The following SNX25 variants were observed in gnomAD, a reference collection of about 807,000 sequenced individuals.
SNX25 encodes the protein sorting nexin-25.
A neutral mutation model predicts 113.7 loss-of-function variants in SNX25; 62 were observed. The ratio of observed to expected loss-of-function variants is 0.55; its 90% confidence interval spans 0.44 to 0.67. The LOEUF (loss-of-function observed/expected upper bound fraction) is 0.67. Ranked by LOEUF, SNX25 falls within the 30% of genes least tolerant of loss-of-function variation. The pLI, the probability that SNX25 is intolerant of heterozygous loss-of-function variation, is 0.00. For synonymous variants in SNX25, 421 were observed against 436.2 expected (o/e 0.97, Z 0.43); for missense variants, 1,014 against 1,161.0 (o/e 0.87, Z 1.84).
intron 1 of SNX25, among the ~76,000 whole-genome samples, chr4:185,224,254 G>A (rs932760348): frequency 1.3e-5 from 2 of 151,530 alleles, no homozygotes; most frequent in Admixed American, 1.3e-4. Context: ...CGGGAGGCGA[G>A]GCAGGAGAAT....
intron 6 of SNX25, among the ~76,000 whole-genome samples, chr4:185,293,072 A>G (rs550787117): frequency 3.3e-4 from 50 of 152,376 alleles, no homozygotes; most frequent in African/African-American, 1.2e-3. Context: ...TCGATAATCA[A>G]AAGAGCAATA....
At chr4:185,369,150 T>C (rs1313030334) in intron 11 of SNX25, among the ~76,000 whole-genome samples, 2 of 151,696 alleles carry the variant, frequency 1.3e-5, no homozygotes, top group East Asian at 3.9e-4. Flanking sequence ...TATATTTGAC[T>C]AGAGTTTTCT....
At chr4:185,354,000 C>T (rs565424845) in intron 15 of SNX25, among the ~76,000 whole-genome samples, 8 of 150,232 alleles carry the variant, frequency 5.3e-5, no homozygotes, top group South Asian at 2.1e-4. Flanking sequence ...GCCAAGATCG[C>T]ACCACTGCAC....
At chr4:185,237,089 T>C (rs926706544) in intron 1 of SNX25, among the ~76,000 whole-genome samples, 8 of 152,196 alleles carry the variant, frequency 5.3e-5, no homozygotes, top group Non-Finnish European at 1.0e-4. Context: ...AACTTGTAGG[T>C]TGAATTTTAA....
At chr4:185,327,564 A>G (rs1378688617) in intron 9 of SNX25, among the ~76,000 whole-genome samples, 1 of 152,102 alleles carries the variant, frequency 6.6e-6, no homozygotes, top group Admixed American at 6.5e-5. Context: ...CTTTTCTTTA[A>G]TATCTTTTGC....
intron 1 of SNX25, among the ~76,000 whole-genome samples, chr4:185,231,481 A>C (rs528414731): frequency 6.6e-6 from 1 of 151,992 alleles, no homozygotes; most frequent in East Asian, 2.0e-4. Context: ...AGGGCGAAGC[A>C]GGCAGATCAC....
intron 5 of SNX25, among the ~76,000 whole-genome samples, chr4:185,282,832 A>T (rs1435734904): frequency 6.6e-6 from 1 of 152,194 alleles, no homozygotes; most frequent in Non-Finnish European, 1.5e-5. Flanking sequence ...AGCCCTCCTG[A>T]TTCTTGAACC....
intron 7 of SNX25, among the ~76,000 whole-genome samples, chr4:185,314,250 G>A (rs572709840): frequency 6.6e-6 from 1 of 150,906 alleles, no homozygotes. Context: ...AGCACTTGGC[G>A]GGCAAAGACA....
At position 185,320,809 on chromosome 4, in the gene SNX25, AAAGAGC is replaced by A. The variant is rs2095114080; in HGVS notation, c.1422_1427del (p.Lys474_Ala476delinsAsn). On this transcript the variant is annotated inframe_deletion, in exon 8 of 19. Transcript: ENST00000652585. Reference sequence around the variant, plus strand: ...GGAATGTACATGGAAAGGATGGACAAAAGAGCTCTGATTAGTTTTTGGGAATCTGTG... The same window carrying A: ...GGAATGTACATGGAAAGGATGGACAATCTGATTAGTTTTTGGGAATCTGTG... 3 of 1,607,192 alleles carry A rather than the reference AAAGAGC, an allele frequency of 1.9e-6. No homozygotes were observed. In the East Asian group the frequency reaches 6.7e-5, roughly 36 times the overall value.
intron 10 of SNX25, among the ~76,000 whole-genome samples, chr4:185,333,496 A>G (rs1244880186): frequency 6.6e-6 from 1 of 152,238 alleles, no homozygotes; most frequent in African/African-American, 2.4e-5. Flanking sequence ...GGACATTCAA[A>G]TGCTTTTATA....
intron 16 of SNX25, among the ~76,000 whole-genome samples, chr4:185,360,524 A>G (rs1422534904): frequency 6.6e-6 from 1 of 152,230 alleles, no homozygotes; most frequent in East Asian, 1.9e-4. Context: ...TGGCACAAAT[A>G]GTCTAAGATG....
intron 1 of SNX25, among the ~76,000 whole-genome samples, chr4:185,226,752 T>C (rs1741060805): frequency 6.6e-6 from 1 of 152,226 alleles, no homozygotes; most frequent in Non-Finnish European, 1.5e-5. Context: ...CACTGTGCCT[T>C]GGAAAAACTA....
At chr4:185,306,890 T>C (rs114866762) in intron 6 of SNX25, among the ~76,000 whole-genome samples, 338 of 152,336 alleles carry the variant, frequency 2.2e-3, no homozygotes, top group Non-Finnish European at 3.7e-3. Flanking sequence ...AAATACTATT[T>C]TTTTCCTGTT....
intron 8 of SNX25, among the ~76,000 whole-genome samples, chr4:185,322,575 T>A (rs185683341): frequency 3.2e-4 from 48 of 152,374 alleles, no homozygotes; most frequent in African/African-American, 1.1e-3. Flanking sequence ...ATAGTGTCTT[T>A]AAATCTTTTA....
chr4:185,344,044 C>T (rs530253919), intron 12 of SNX25, among the ~76,000 whole-genome samples: 18 of 152,060 alleles, frequency 1.2e-4, no homozygotes, highest in Non-Finnish European at 2.1e-4. Context: ...CATGGTGAAA[C>T]CCCCATCTCT....
intron 2 of SNX25, among the ~76,000 whole-genome samples, chr4:185,249,622 C>A (rs764467911): frequency 3.9e-5 from 6 of 151,944 alleles, no homozygotes; most frequent in Non-Finnish European, 7.4e-5. Context: ...ATTTACCAAT[C>A]TTTTTTTCCT....
At chr4:185,273,863 C>T (rs1271273243) in intron 5 of SNX25, among the ~76,000 whole-genome samples, 2 of 152,126 alleles carry the variant, frequency 1.3e-5, no homozygotes, top group African/African-American at 4.8e-5. Context: ...AATAGTAAAG[C>T]AGGCAGTCCG....
rs1749014906 is a variant in SNX25 at position 185,272,120 on chromosome 4, G to A, written c.1091+4965G>A. ...TATTTTGAATTTTCCATGGTTTTCT[G>A]GTAGGAGCAGTGACTGACTCTGCTA... On this transcript the variant is annotated intron_variant, in intron 5 of 18. Transcript: ENST00000652585. Among the ~76,000 whole-genome samples the A allele has an allele frequency of 2.0e-5, 3 of 152,320 alleles. No homozygotes were observed. The South Asian group carries it at 6.2e-4, about 32-fold the overall frequency.
intron 1 of SNX25, among the ~76,000 whole-genome samples, chr4:185,239,431 T>C (rs6822355): frequency 0.062 from 9,470 of 152,072 alleles, 453 homozygotes; most frequent in African/African-American, 0.13. Flanking sequence ...TGCAGTGAGC[T>C]GAGATCGCAC....
Sources: allele counts gnomAD v4.1 joint callset (sites outside exome capture counted in the v4.1 genomes callset), GRCh38; gene constraint gnomAD v4.1.1; transcripts MANE v1.5; gene names NCBI Gene and HGNC (gene_info 2026-07-23, HGNC 2026-07-21).